Variants in C4orf33 observed in about 807,000 individuals in gnomAD.
C4orf33 encodes the protein UPF0462 protein C4orf33.
A neutral mutation model predicts 24.3 loss-of-function variants in C4orf33; 20 were observed. The ratio of observed to expected loss-of-function variants is 0.82; its 90% CI spans 0.58 to 1.19. C4orf33 has a LOEUF of 1.19. C4orf33 is among the 50% of genes most tolerant of loss of function. C4orf33 has a pLI of 0.00. For missense variants in C4orf33, 207 were observed against 225.9 expected (o/e 0.92, Z 0.54); for synonymous variants, 67 against 76.4 (o/e 0.88, Z 0.64).
rs1373383488 is a variant in C4orf33, at chr4:129,114,831, A to T, written c.*3040A>T. ...GGCTACCATGCAGAGCTAGAGTTAT[A>T]ACTATTAATGGAAGCAGTATAGAGT... On this transcript the variant is annotated 3_prime_UTR_variant, in exon 6 of 6. Coordinates refer to ENST00000425929, the MANE Select transcript of C4orf33 (RefSeq NM_001099783.2). 1 of 152,324 alleles carries T rather than the reference A, an allele frequency of 6.6e-6. No individual in the cohort carries two copies. The highest frequency in any genetic ancestry group is 1.5e-5 in the Non-Finnish European group (1 of 68,044). 9.4% of individuals were successfully genotyped at this position (152,324 alleles called of 1,614,324 possible).
intron 1 of C4orf33, among the ~76,000 whole-genome samples, chr4:129,096,614 C>T (rs566866515): frequency 6.6e-6 from 1 of 152,042 alleles, no homozygotes; most frequent in African/African-American, 2.4e-5. Context: ...CCTTCGTTTC[C>T]TTTTAGAGGT....
intron 5 of C4orf33, 59 bp downstream of exon 5, chr4:129,109,731 C>A: frequency 1.5e-6 from 2 of 1,362,828 alleles, no homozygotes; most frequent in Non-Finnish European, 2.1e-6. Context: ...GAAATTAATT[C>A]TTAGTGGAGC....
At chr4:129,107,231 G>A (rs17014190) in intron 3 of C4orf33, among the ~76,000 whole-genome samples, 9,034 of 151,974 alleles carry the variant, frequency 0.059, 333 homozygotes, top group African/African-American at 0.093. Context: ...GATTTTCTTA[G>A]ACTCATTACA....
At chr4:129,111,613 T>A in intron 5 of C4orf33, 73 bp from the exon 6 acceptor site, 1 of 806,714 alleles carries the variant, frequency 1.2e-6, no homozygotes, top group African/African-American at 1.7e-5. Context: ...ACAAAATAAA[T>A]AGCCCTTCAG....
In C4orf33 at chr4:129,111,834, T is replaced by C; in HGVS notation, c.*43T>C. 1 of 1,092,198 alleles carries C rather than the reference T, an allele frequency of 9.2e-7. No homozygotes were observed. Among genetic ancestry groups the C allele is most frequent in the Non-Finnish European group, 1.3e-6 (1 of 741,062 alleles). The allele number at this position is 1,092,198 out of a possible 1,614,324, so 67.7% of individuals were successfully genotyped here. On this transcript the variant is annotated 3_prime_UTR_variant, in exon 6 of 6. Transcript: ENST00000425929. ...ACCGATCATTTTTTCCTCTATACCT[T>C]TTAAGATAAACAAAAAATAAATATC...
intron 1 of C4orf33, among the ~76,000 whole-genome samples, chr4:129,097,131 T>G (rs1307595386): frequency 6.6e-6 from 1 of 152,268 alleles, no homozygotes; most frequent in East Asian, 1.9e-4. Flanking sequence ...ATGGTCTCGA[T>G]CTCCTGACCT....
At chr4:129,110,006 G>A in intron 5 of C4orf33, 1 of 1,096,218 alleles carries the variant, frequency 9.1e-7, no homozygotes, top group Non-Finnish European at 1.1e-6. Flanking sequence ...AAGGGCCAGA[G>A]GCATCAGTGT....
At chr4:129,096,764 G>A (rs2655310) in intron 1 of C4orf33, among the ~76,000 whole-genome samples, 108,232 of 152,026 alleles carry the variant, frequency 0.71, 40,778 homozygotes, top group South Asian at 0.89. Context: ...AGTCTAAACA[G>A]CCAAACTTAA....
At chr4:129,096,335 T>G (rs1488933886) in intron 1 of C4orf33, 126 bp downstream of exon 1, 1 of 152,228 alleles carries the variant, frequency 6.6e-6, no homozygotes, top group Non-Finnish European at 1.5e-5. Flanking sequence ...TCCTGCTAAG[T>G]GAGCGTACTC....
At chr4:129,111,299 C>A (rs1444680751) in intron 5 of C4orf33, among the ~76,000 whole-genome samples, 1 of 152,184 alleles carries the variant, frequency 6.6e-6, no homozygotes, top group Non-Finnish European at 1.5e-5. Context: ...ATCAATGGAA[C>A]TGAAACTTTT....
At chr4:129,108,378 T>C (rs1325707381) in intron 3 of C4orf33, among the ~76,000 whole-genome samples, 4 of 152,170 alleles carry the variant, frequency 2.6e-5, no homozygotes, top group Non-Finnish European at 5.9e-5. Context: ...TATTAGAATT[T>C]CCCTTGGAAA....
intron 3 of C4orf33, among the ~76,000 whole-genome samples, chr4:129,107,095 C>T (rs1000044094): frequency 2.0e-5 from 3 of 151,800 alleles, no homozygotes; most frequent in African/African-American, 4.8e-5. Context: ...CTAGATGAAA[C>T]TTTAATTTTA....
intron 3 of C4orf33, among the ~76,000 whole-genome samples, chr4:129,107,045 T>C (rs1419041712): frequency 6.6e-6 from 1 of 152,028 alleles, no homozygotes; most frequent in Non-Finnish European, 1.5e-5. Context: ...TTAATTGAGC[T>C]AGCTTATAAA....
chr4:129,102,919 A>T (rs1257598194), intron 2 of C4orf33, 128 bp downstream of exon 2: 1 of 682,046 alleles, frequency 1.5e-6, no homozygotes, highest in Non-Finnish European at 2.3e-6. Flanking sequence ...AGTTTCTGAT[A>T]TTTCCTACCA....
At chr4:129,098,097 T>A (rs1753253255) in intron 1 of C4orf33, among the ~76,000 whole-genome samples, 1 of 152,180 alleles carries the variant, frequency 6.6e-6, no homozygotes, top group African/African-American at 2.4e-5. Context: ...TTGTTAATGA[T>A]AGGCTTTTGG....
intron 5 of C4orf33, 71 bp downstream of exon 5, chr4:129,109,743 G>A: frequency 7.9e-7 from 1 of 1,259,976 alleles, no homozygotes; most frequent in Non-Finnish European, 1.1e-6. Flanking sequence ...TAGTGGAGCA[G>A]AAGTAACACT....
At chr4:129,109,241 A>G in intron 3 of C4orf33, 66 bp from the exon 4 acceptor site, 1 of 1,402,272 alleles carries the variant, frequency 7.1e-7, no homozygotes, top group East Asian at 2.3e-5. Context: ...TTCCATGTAT[A>G]AAGGATAGTG....
At chr4:129,101,190 T>C (rs1246848662) in intron 1 of C4orf33, among the ~76,000 whole-genome samples, 1 of 152,182 alleles carries the variant, frequency 6.6e-6, no homozygotes, top group Admixed American at 6.5e-5. Flanking sequence ...GTAAAAGCTA[T>C]ACGTTTTAGA....
chr4:129,102,792 G>C lies in C4orf33; in HGVS notation c.181+1G>C, dbSNP rs758533872. On this transcript the variant is annotated splice_donor_variant, in intron 2 of 5. Coordinates refer to ENST00000425929, the MANE Select transcript of C4orf33 (RefSeq NM_001099783.2). LOFTEE classifies it high-confidence loss of function. ...TTCAATGAACTGTGGGATTATGAAGGTAAGTGGAAGTACTGTATTTTATTG... is the reference window on the plus strand; with the variant it reads ...TTCAATGAACTGTGGGATTATGAAGCTAAGTGGAAGTACTGTATTTTATTG... The C allele has an allele frequency of 4.4e-6, 7 of 1,608,998 alleles. No homozygotes were observed. The highest frequency in any genetic ancestry group is 5.9e-6 in the Non-Finnish European group (7 of 1,177,816).
Sources: gnomAD v4.1 joint callset for allele counts (sites outside exome capture counted in the v4.1 genomes callset) on GRCh38, gnomAD v4.1.1 for gene constraint, MANE v1.5 for transcripts, NCBI Gene and HGNC (gene_info 2026-07-23, HGNC 2026-07-21) for gene names.